The following STRBP variants were observed in gnomAD, a reference collection of about 807,000 sequenced individuals.
STRBP encodes spermatid perinuclear RNA binding protein, also known as spermatid perinuclear RNA-binding protein.
A neutral mutation model predicts 80.1 loss-of-function variants in STRBP; 13 were observed. That is an observed-to-expected ratio of 0.16 (90% CI 0.11 to 0.26). The LOEUF (loss-of-function observed/expected upper bound fraction) is 0.26, where lower values mean the gene tolerates loss of function less well. Ranked by LOEUF, STRBP falls within the 10% of genes least tolerant of loss-of-function variation. The pLI, the probability that STRBP is intolerant of heterozygous loss-of-function variation, is 1.00. For synonymous variants in STRBP, 284 were observed against 291.2 expected (o/e 0.98, Z 0.25); for missense variants, 485 against 815.2 (o/e 0.59, Z 4.93).
At chr9:123,150,184 G>A (rs2036992774) in intron 11 of STRBP, among the ~76,000 whole-genome samples, 1 of 152,150 alleles carries the variant, frequency 6.6e-6, no homozygotes, top group Non-Finnish European at 1.5e-5. Context: ...GGCCTGAGTG[G>A]TTGGAGTGAA....
At chr9:123,138,344 G>A (rs1002640103) in intron 14 of STRBP, among the ~76,000 whole-genome samples, 2 of 152,172 alleles carry the variant, frequency 1.3e-5, no homozygotes, top group African/African-American at 4.8e-5. Context: ...TGGTCCCTCT[G>A]AGCAGCCAGC....
intron 14 of STRBP, among the ~76,000 whole-genome samples, chr9:123,137,383 A>T (rs1022687702): frequency 6.6e-6 from 1 of 152,110 alleles, no homozygotes; most frequent in Non-Finnish European, 1.5e-5. Flanking sequence ...ATAAATGTCC[A>T]AAAGTGTTAA....
chr9:123,158,894 G>C (rs1387140586), intron 9 of STRBP, among the ~76,000 whole-genome samples: 1 of 152,068 alleles, frequency 6.6e-6, no homozygotes, highest in Non-Finnish European at 1.5e-5. Flanking sequence ...CTTTATGTTA[G>C]TACATATAAA....
chr9:123,248,791 C>A (rs2040854303), intron 1 of STRBP, among the ~76,000 whole-genome samples: 1 of 152,212 alleles, frequency 6.6e-6, no homozygotes, highest in African/African-American at 2.4e-5. Context: ...CTTCCTCTCT[C>A]CTTGTATGTC....
At chr9:123,187,664 A>C (rs1384411086) in intron 2 of STRBP, among the ~76,000 whole-genome samples, 1 of 152,126 alleles carries the variant, frequency 6.6e-6, no homozygotes, top group East Asian at 1.9e-4. Flanking sequence ...ACTTTTTTCA[A>C]TTAATGGACA....
At chr9:123,181,428 T>C (rs1368254679) in intron 3 of STRBP, among the ~76,000 whole-genome samples, 1 of 152,186 alleles carries the variant, frequency 6.6e-6, no homozygotes, top group East Asian at 1.9e-4. Context: ...ACACAAATAA[T>C]ACAGACTGCC....
intron 11 of STRBP, among the ~76,000 whole-genome samples, chr9:123,152,710 C>T (rs1156675923): frequency 6.6e-6 from 1 of 151,908 alleles, no homozygotes; most frequent in Non-Finnish European, 1.5e-5. Flanking sequence ...TTAGTGGTTT[C>T]CCGGGATTAG....
At chr9:123,201,204 T>G (rs754859599) in intron 2 of STRBP, among the ~76,000 whole-genome samples, 10 of 152,254 alleles carry the variant, frequency 6.6e-5, no homozygotes, top group East Asian at 3.9e-4. Flanking sequence ...TTGTATTTTT[T>G]TGTGTGTGTT....
At chr9:123,193,665 A>G (rs2039000621) in intron 2 of STRBP, among the ~76,000 whole-genome samples, 1 of 151,892 alleles carries the variant, frequency 6.6e-6, no homozygotes, top group African/African-American at 2.4e-5. Context: ...AACACGCCCC[A>G]CCGGGACCTA....
chr9:123,194,986 G>A (rs2039045166), intron 2 of STRBP, among the ~76,000 whole-genome samples: 1 of 152,070 alleles, frequency 6.6e-6, no homozygotes, highest in Non-Finnish European at 1.5e-5. Flanking sequence ...CTAGGTTTGA[G>A]ACTTTAAATA....
intron 1 of STRBP, among the ~76,000 whole-genome samples, chr9:123,259,050 A>G (rs1054374119): frequency 1.4e-5 from 2 of 143,896 alleles, no homozygotes; most frequent in Non-Finnish European, 3.0e-5. Flanking sequence ...ATAGACTATA[A>G]GGAGGAAAGG....
rs1415230381 is a variant in STRBP at position 123,115,968 on chromosome 9, A to T, written c.*45T>A. ...CACGTTCTCTCCAGGTCTCCTCTTCACCAGCCTTAACCTTCTGGTCCTTCC... is the reference window on the plus strand; with the variant it reads ...CACGTTCTCTCCAGGTCTCCTCTTCTCCAGCCTTAACCTTCTGGTCCTTCC... On this transcript the variant is annotated 3_prime_UTR_variant and NMD_transcript_variant, in exon 3 of 4. Transcript: ENST00000471564. The surrounding 1 kb of genome is among the most constrained non-coding windows in gnomAD (Gnocchi z 5.0). 1 of 455,790 alleles carries T rather than the reference A, an allele frequency of 2.2e-6. No individual in the cohort carries two copies. The highest frequency in any genetic ancestry group is 6.9e-5 in the East Asian group (1 of 14,398). The allele number at this position is 455,790 out of a possible 1,614,324, so 28.2% of individuals were successfully genotyped here.
intron 1 of STRBP, among the ~76,000 whole-genome samples, chr9:123,249,904 G>A (rs1434744377): frequency 6.6e-6 from 1 of 152,122 alleles, no homozygotes; most frequent in Non-Finnish European, 1.5e-5. Flanking sequence ...ATATAACGTT[G>A]AAGACGGAAC....
chr9:123,260,214 T>C (rs2041131416), intron 1 of STRBP, among the ~76,000 whole-genome samples: 1 of 152,156 alleles, frequency 6.6e-6, no homozygotes, highest in Non-Finnish European at 1.5e-5. Flanking sequence ...AGACATCATT[T>C]CAGCTGTTAA....
At chr9:123,258,378 G>A (rs1564340882) in intron 1 of STRBP, among the ~76,000 whole-genome samples, 2 of 152,182 alleles carry the variant, frequency 1.3e-5, no homozygotes, top group African/African-American at 4.8e-5. Context: ...TTTTAATAGG[G>A]TGGTAAGAGA....
At chr9:123,135,856 T>C in intron 16 of STRBP, 185 bp downstream of exon 16, 1 of 600,134 alleles carries the variant, frequency 1.7e-6, no homozygotes, top group African/African-American at 1.8e-5. Context: ...GTTTAGAAAG[T>C]CCATAGAACA....
At chr9:123,233,096 A>G (rs2040443024) in intron 2 of STRBP, among the ~76,000 whole-genome samples, 1 of 152,160 alleles carries the variant, frequency 6.6e-6, no homozygotes, top group South Asian at 2.1e-4. Flanking sequence ...TTTTAAAGAC[A>G]GGGTCTTGCT....
At position 123,115,277 on chromosome 9, in the gene STRBP, C is replaced by T. The variant is rs542347705; in HGVS notation, c.*84+652G>A. 9 of 471,190 alleles carry T rather than the reference C, an allele frequency of 1.9e-5. No homozygotes were observed. Among genetic ancestry groups the T allele is most frequent in the South Asian group, 1.4e-4 (9 of 64,572 alleles). The allele number at this position is 471,190 out of a possible 1,614,324, so 29.2% of individuals were successfully genotyped here. Reference sequence around the variant, plus strand: ...CCGTCTGGCTCAGTGGGAAGCCTATCGCTCTTGGTAAATTACTCAGTAAGC... The same window carrying T: ...CCGTCTGGCTCAGTGGGAAGCCTATTGCTCTTGGTAAATTACTCAGTAAGC... On this transcript the variant is annotated intron_variant and NMD_transcript_variant, in intron 3 of 3. Transcript: ENST00000471564. The surrounding 1 kb of genome is among the most constrained non-coding windows in gnomAD (Gnocchi z 5.0).
At chr9:123,211,990 A>G (rs2039726222) in intron 2 of STRBP, among the ~76,000 whole-genome samples, 1 of 152,208 alleles carries the variant, frequency 6.6e-6, no homozygotes, top group South Asian at 2.1e-4. Context: ...TAACTCAAAA[A>G]GAACCTTCTT....
Sources: gnomAD v4.1 joint callset for allele counts (sites outside exome capture counted in the v4.1 genomes callset) on GRCh38, gnomAD v4.1.1 for gene constraint, Gnocchi (gnomAD v3.1) non-coding constraint, MANE v1.5 for transcripts, NCBI Gene and HGNC (gene_info 2026-07-23, HGNC 2026-07-21) for gene names.